ARMH3: variants seen among roughly 807,000 people sequenced by gnomAD.
ARMH3 encodes the protein armadillo-like helical domain-containing protein 3.
In ARMH3, 60 loss-of-function variants were observed where a neutral mutation model predicts 99.1. That is an observed-to-expected ratio of 0.61 (90% CI 0.49 to 0.75). The LOEUF (loss-of-function observed/expected upper bound fraction) is 0.75. Among genes scored for constraint, ARMH3 ranks in the 30% least tolerant of loss-of-function variants. ARMH3 has a pLI of 0.00. For synonymous variants in ARMH3, 285 were observed against 292.8 expected, an observed-to-expected ratio of 0.97 and a Z score of 0.27; for missense variants, 679 against 843.1, an observed-to-expected ratio of 0.81 and a Z score of 2.41.
intron 23 of ARMH3, among the ~76,000 whole-genome samples, chr10:101,906,482 T>G (rs1269531104): frequency 1.3e-5 from 2 of 152,236 alleles, no homozygotes; most frequent in African/African-American, 2.4e-5. Flanking sequence ...AGGAGGCTCT[T>G]ATAACATGAG....
At position 101,958,273 on chromosome 10, in the gene ARMH3, C is replaced by A. The variant is rs556931027; in HGVS notation, c.1496-541G>T. On this transcript the variant is annotated intron_variant, in intron 20 of 25. Transcript: ENST00000370033. The stretch of plus-strand genomic sequence containing the variant: ...TAAAGAGAAAAAAAGCCCTTAACTG[C>A]TCTAACTATTCAAACAAAGTGAAGC... 3.9e-5 allele frequency among the ~76,000 whole-genome samples: 6 copies of A among 152,310 alleles called. No homozygotes were observed. The East Asian group carries it at 1.2e-3, about 29-fold the overall frequency.
At chr10:101,984,617 C>A (rs117032925) in intron 19 of ARMH3, among the ~76,000 whole-genome samples, 1,751 of 152,162 alleles carry the variant, frequency 0.012, 16 homozygotes, top group Non-Finnish European at 0.018. Context: ...CCAACCCCTG[C>A]GGCCATCTAT....
intron 1 of ARMH3, among the ~76,000 whole-genome samples, chr10:102,043,296 T>G (rs1316002606): frequency 2.0e-5 from 3 of 152,170 alleles, no homozygotes; most frequent in Non-Finnish European, 4.4e-5. Context: ...CTCGGTGACA[T>G]GGACAAGTTA....
At chr10:101,989,093 C>A (rs1017933661) in intron 19 of ARMH3, among the ~76,000 whole-genome samples, 5 of 152,124 alleles carry the variant, frequency 3.3e-5, no homozygotes, top group Admixed American at 1.3e-4. Flanking sequence ...TGATGTCACA[C>A]TCAATTCAGA....
At chr10:101,961,983 TA>T (rs1845318692) in intron 20 of ARMH3, among the ~76,000 whole-genome samples, 1 of 152,208 alleles carries the variant, frequency 6.6e-6, no homozygotes, top group Non-Finnish European at 1.5e-5. Context: ...CATTGTTAAA[TA>T]ATAGTTTCTA....
intron 23 of ARMH3, among the ~76,000 whole-genome samples, chr10:101,931,815 A>G (rs1843735917): frequency 6.6e-6 from 1 of 152,232 alleles, no homozygotes; most frequent in East Asian, 1.9e-4. Context: ...CTCTTAGAAG[A>G]AAACATGGGA....
chr10:101,936,418 A>G (rs965895231), intron 23 of ARMH3, among the ~76,000 whole-genome samples: 34 of 151,188 alleles, frequency 2.2e-4, no homozygotes, highest in Non-Finnish European at 5.9e-5. Context: ...CTTGAACCTA[A>G]GAGACAGAGA....
intron 24 of ARMH3, among the ~76,000 whole-genome samples, chr10:101,874,779 T>C (rs114193337): frequency 6.6e-6 from 1 of 152,250 alleles, no homozygotes; most frequent in African/African-American, 2.4e-5. Flanking sequence ...TAAGGGCCAA[T>C]AGTTTATGGA....
intron 11 of ARMH3, 58 bp from the exon 12 acceptor site, chr10:102,010,081 T>C (rs374344661): frequency 3.9e-6 from 6 of 1,528,256 alleles, no homozygotes; most frequent in South Asian, 1.1e-5. Context: ...AGGAGCTTTA[T>C]GCCTAGGAAG....
chr10:101,975,162 G>T (rs762721514), intron 20 of ARMH3, 50 bp downstream of exon 20: 1 of 1,525,918 alleles, frequency 6.6e-7, no homozygotes, highest in Admixed American at 1.7e-5. Flanking sequence ...AGGCCTAGGG[G>T]CTCAAAAAAG....
chr10:101,931,144 G>T (rs1033379094), intron 23 of ARMH3, among the ~76,000 whole-genome samples: 1 of 152,288 alleles, frequency 6.6e-6, no homozygotes, highest in African/African-American at 2.4e-5. Context: ...AGGAAAAAAC[G>T]GGAGAGGCTC....
intron 23 of ARMH3, among the ~76,000 whole-genome samples, chr10:101,933,616 A>G (rs1456176241): frequency 6.6e-6 from 1 of 152,188 alleles, no homozygotes; most frequent in Non-Finnish European, 1.5e-5. Flanking sequence ...AAACAATATT[A>G]TACCAGCTTC....
chr10:101,967,930 G>A (rs1393368510), intron 20 of ARMH3, among the ~76,000 whole-genome samples: 1 of 152,076 alleles, frequency 6.6e-6, no homozygotes, highest in Admixed American at 6.5e-5. Context: ...AGCCTGCACT[G>A]ACTAAAGGCT....
chr10:101,876,268 A>C (rs932320563), intron 24 of ARMH3, among the ~76,000 whole-genome samples: 1 of 151,056 alleles, frequency 6.6e-6, no homozygotes, highest in Non-Finnish European at 1.5e-5. Context: ...AAAAAAAAAA[A>C]CAACTTATTT....
At chr10:102,054,434 G>T (rs570012267) in intron 1 of ARMH3, among the ~76,000 whole-genome samples, 1 of 150,734 alleles carries the variant, frequency 6.6e-6, no homozygotes, top group Non-Finnish European at 1.5e-5. Context: ...ATACCTAAAA[G>T]TCCAATGAAA....
intron 23 of ARMH3, among the ~76,000 whole-genome samples, chr10:101,932,162 A>G: frequency 6.6e-6 from 1 of 152,252 alleles, no homozygotes; most frequent in East Asian, 1.9e-4. Flanking sequence ...GATGCTCAAC[A>G]TCACTAGTTA....
At chr10:102,036,497 AG>A (rs2067276102) in intron 2 of ARMH3, among the ~76,000 whole-genome samples, 1 of 152,176 alleles carries the variant, frequency 6.6e-6, no homozygotes, top group Non-Finnish European at 1.5e-5. Context: ...AGAAAGTAGA[AG>A]ACATGGGAGA....
intron 13 of ARMH3, among the ~76,000 whole-genome samples, chr10:102,006,857 CT>C (rs1275858557): frequency 6.6e-6 from 1 of 151,948 alleles, no homozygotes; most frequent in African/African-American, 2.4e-5. Flanking sequence ...CACTGTGCCC[CT>C]AGTCTCATAA....
At position 102,023,710 on chromosome 10, in the gene ARMH3, C is replaced by T. The variant is rs771942879; in HGVS notation, c.547G>A (p.Val183Ile). The change falls in exon 7 of 26, where the codon GTA becomes ATA. Residue 183 changes from valine (V) to isoleucine (I), a missense_variant. By Grantham distance (29) the Val-to-Ile change is conservative. Around this residue, in one of 3 missense-constraint regions of ARMH3, gnomAD observed 280 missense variants for 354.6 expected, o/e 0.79. Coordinates refer to ENST00000370033, the MANE Select transcript of ARMH3 (RefSeq NM_024541.3). ...GCTTCAAATATGCTGTTGATCATTACATACTCGAGAATAGTGTTCTGGCTG... is the reference window on the plus strand; with the variant it reads ...GCTTCAAATATGCTGTTGATCATTATATACTCGAGAATAGTGTTCTGGCTG... ...NISQNTILEY[V>I]MINSIFEAIL... The T allele has an allele frequency of 1.9e-6, 3 of 1,614,064 alleles. No individual in the cohort carries two copies.
Sources: gnomAD v4.1 joint callset for allele counts (sites outside exome capture counted in the v4.1 genomes callset) on GRCh38, gnomAD v4.1.1 for gene constraint, gnomAD v4.1.1 regional missense constraint, MANE v1.5 for transcripts, NCBI Gene and HGNC (gene_info 2026-07-23, HGNC 2026-07-21) for gene names.